The following PXDN variants were observed in gnomAD, a reference collection of about 807,000 sequenced individuals.
The protein encoded by PXDN is peroxidasin homolog.
A neutral mutation model predicts 140.3 loss-of-function variants in PXDN; 77 were observed. That is an observed-to-expected ratio of 0.55 (90% confidence interval 0.46 to 0.66). The LOEUF (loss-of-function observed/expected upper bound fraction) is 0.66. PXDN is among the 30% of genes least tolerant of loss of function. The pLI is 0.00. For synonymous variants in PXDN, 911 were observed against 857.4 expected (o/e 1.06, Z -1.09); for missense variants, 1,838 against 2,039.5 (o/e 0.90, Z 1.90).
At chr2:1,726,875 A>T (rs1045689550) in intron 1 of PXDN, among the ~76,000 whole-genome samples, 2 of 152,154 alleles carry the variant, frequency 1.3e-5, no homozygotes, top group African/African-American at 4.8e-5. Flanking sequence ...GCAAAGACTT[A>T]ACATAGATCT....
chr2:1,723,786 T>C (rs1685110807), intron 1 of PXDN, among the ~76,000 whole-genome samples: 1 of 152,124 alleles, frequency 6.6e-6, no homozygotes, highest in Non-Finnish European at 1.5e-5. Flanking sequence ...AGGAAAATTA[T>C]ACAATGAAAA....
At chr2:1,661,728 TTGA>T (rs1427069085) in intron 13 of PXDN, among the ~76,000 whole-genome samples, 1 of 152,230 alleles carries the variant, frequency 6.6e-6, no homozygotes, top group African/African-American at 2.4e-5. Context: ...CCCTTCCTTA[TTGA>T]TGATGAGACC....
intron 1 of PXDN, among the ~76,000 whole-genome samples, chr2:1,695,630 C>G (rs1407326192): frequency 8.1e-5 from 3 of 37,160 alleles, no homozygotes; most frequent in Non-Finnish European, 1.2e-4. Context: ...GAGGTGCTGT[C>G]CCATCCACAA....
chr2:1,720,397 A>AGATGCACAGAGAGAGG (rs1685012762), intron 1 of PXDN, among the ~76,000 whole-genome samples: 2 of 146,094 alleles, frequency 1.4e-5, no homozygotes, highest in Non-Finnish European at 3.0e-5. Context: ...GCAGAGAGAG[A>AGATGCACAGAGAGAGG]GATGCACAGA....
intron 6 of PXDN, 30 bp from the exon 7 acceptor site, chr2:1,680,392 C>T: frequency 6.2e-7 from 1 of 1,612,562 alleles, no homozygotes. Flanking sequence ...GCCGGTGAGA[C>T]ATGGGGTGGC....
At chr2:1,643,948 T>G (rs562797939) in intron 18 of PXDN, among the ~76,000 whole-genome samples, 31 of 151,776 alleles carry the variant, frequency 2.0e-4, no homozygotes, top group African/African-American at 5.8e-4. Context: ...GGTGGGCACC[T>G]GTAGTCCCAG....
chr2:1,658,949 T>C (rs1030747280), intron 14 of PXDN, among the ~76,000 whole-genome samples: 14 of 152,164 alleles, frequency 9.2e-5, no homozygotes, highest in Non-Finnish European at 1.6e-4. Flanking sequence ...CCTCACCATC[T>C]GAGCGTGACT....
chr2:1,698,876 A>G (rs1572168874), intron 1 of PXDN, among the ~76,000 whole-genome samples: 1 of 152,244 alleles, frequency 6.6e-6, no homozygotes, highest in Non-Finnish European at 1.5e-5. Context: ...TTACAGTCTC[A>G]AAAACAGAAC....
In PXDN at chr2:1,687,767, G is replaced by T; in HGVS notation, c.345-64C>A. On this transcript the variant is annotated intron_variant, in intron 3 of 22. Transcript: ENST00000252804. This position sits in a 1 kb window ranked among gnomAD's most constrained non-coding sequence, Gnocchi z 4.0. ...AGGAGGTCAAACTTCAGACGGAAAAGAAGAATTAAATTGACACATGGAGAC... is the reference window on the plus strand; with the variant it reads ...AGGAGGTCAAACTTCAGACGGAAAATAAGAATTAAATTGACACATGGAGAC... 3.1e-6 allele frequency: 4 copies of T among 1,271,496 alleles called. No individual in the cohort carries two copies. Among genetic ancestry groups the T allele is most frequent in the Non-Finnish European group, 4.5e-6 (4 of 898,590 alleles). The allele number at this position is 1,271,496 out of a possible 1,614,324, so 78.8% of individuals were successfully genotyped here.
At chr2:1,717,782 C>T (rs1338289363) in intron 1 of PXDN, among the ~76,000 whole-genome samples, 1 of 149,740 alleles carries the variant, frequency 6.7e-6, no homozygotes, top group East Asian at 2.0e-4. Context: ...CTCTACTAAC[C>T]TACTCTGCTA....
At chr2:1,646,991 G>A (rs901183836) in intron 17 of PXDN, among the ~76,000 whole-genome samples, 98 of 152,150 alleles carry the variant, frequency 6.4e-4, no homozygotes, top group Non-Finnish European at 6.5e-4. Flanking sequence ...TGCCACCCAG[G>A]TTCAAGCAAT....
intron 19 of PXDN, among the ~76,000 whole-genome samples, chr2:1,642,206 C>A (rs1682743368): frequency 6.6e-6 from 1 of 151,966 alleles, no homozygotes; most frequent in Non-Finnish European, 1.5e-5. Context: ...AGATCACACA[C>A]ACCCCCCACA....
intron 1 of PXDN, among the ~76,000 whole-genome samples, chr2:1,716,689 C>G (rs553553815): frequency 1.3e-5 from 2 of 152,232 alleles, no homozygotes; most frequent in South Asian, 4.2e-4. Flanking sequence ...GTGGTGGGGC[C>G]CACAGTGAGG....
chr2:1,673,406 C>G (rs928083676), intron 9 of PXDN, among the ~76,000 whole-genome samples: 2 of 152,064 alleles, frequency 1.3e-5, no homozygotes, highest in Non-Finnish European at 2.9e-5. Flanking sequence ...TGGACTGCCC[C>G]GGCTGTGTGG....
chr2:1,658,075 T>TCCCC (rs1683203827), intron 14 of PXDN, among the ~76,000 whole-genome samples: 3 of 50,548 alleles, frequency 5.9e-5, no homozygotes, highest in South Asian at 1.1e-3. Context: ...TCTCTCTCTC[T>TCCCC]CTCTCTCTCT....
intron 1 of PXDN, among the ~76,000 whole-genome samples, chr2:1,701,287 C>T (rs1684422112): frequency 6.6e-6 from 1 of 152,228 alleles, no homozygotes; most frequent in South Asian, 2.1e-4. Context: ...CATCCATGCA[C>T]TTGGGGTGAA....
chr2:1,644,741 G>A lies in PXDN; in HGVS notation c.3620C>T (p.Ser1207Leu), dbSNP rs767043220. 2.6e-5 allele frequency: 41 copies of A among 1,549,810 alleles called. No individual in the cohort carries two copies. Among genetic ancestry groups the A allele is most frequent in the Non-Finnish European group, 3.2e-5 (37 of 1,140,722 alleles). ...IREKLKRLYGSTLNIDLFPAL... is the reference protein window; with the variant it reads ...IREKLKRLYGLTLNIDLFPAL... ...CGGAAACAGGTCGATGTTGAGTGTC[G>A]AGCCATACAACCTAAAAAATAAAGA... The change falls in exon 18 of 23, where the codon TCG becomes TTG. Residue 1207 changes from serine (S) to leucine (L), a missense_variant. Ser to Leu is a moderately radical substitution (Grantham distance 145, BLOSUM62 -2). Transcript: ENST00000252804.
chr2:1,712,682 G>A (rs190646642), intron 1 of PXDN, among the ~76,000 whole-genome samples: 8 of 152,284 alleles, frequency 5.3e-5, no homozygotes, highest in East Asian at 3.9e-4. Context: ...AAATGAAAAC[G>A]GTCGGATGAG....
At chr2:1,657,320 A>G (rs943685369) in intron 14 of PXDN, among the ~76,000 whole-genome samples, 1 of 136,370 alleles carries the variant, frequency 7.3e-6, no homozygotes, top group African/African-American at 2.8e-5. Flanking sequence ...CCCTCCTGAC[A>G]GAAACCAGCC....
Sources: gnomAD v4.1 joint callset for allele counts (sites outside exome capture counted in the v4.1 genomes callset) on GRCh38, gnomAD v4.1.1 for gene constraint, Gnocchi (gnomAD v3.1) non-coding constraint, MANE v1.5 for transcripts, NCBI Gene and HGNC (gene_info 2026-07-23, HGNC 2026-07-21) for gene names.